Variants in XRCC1 observed in about 807,000 individuals in gnomAD.
The protein encoded by XRCC1 is X-ray repair cross complementing 1.
XRCC1 carries 52 observed loss-of-function variants against 83.3 expected under a neutral mutation model. The ratio of observed to expected loss-of-function variants is 0.62; its 90% CI spans 0.50 to 0.79. XRCC1 has a LOEUF of 0.79. Among genes scored for constraint, XRCC1 ranks in the 30% least tolerant of loss-of-function variants. XRCC1 has a pLI of 0.00. For synonymous variants in XRCC1, 281 were observed against 312.6 expected, an observed-to-expected ratio of 0.90 and a Z score of 1.07; for missense variants, 793 against 823.5, an observed-to-expected ratio of 0.96 and a Z score of 0.45.
chr19:43,551,476 T>C, intron 10 of XRCC1, 95 bp downstream of exon 10: 1 of 1,092,790 alleles, frequency 9.2e-7, no homozygotes, highest in Non-Finnish European at 1.4e-6. Context: ...GGACCACCTG[T>C]GTTCTCCGCT....
At position 43,553,567 on chromosome 19, in the gene XRCC1, G is replaced by A. The variant is rs144009077; in HGVS notation, c.489+42C>T. ...TGGGCTGCTGGCAGGTGGGGGTGGAGAGGCAGGGAGAAGGCCATGGGGAGT... is the reference window on the plus strand; with the variant it reads ...TGGGCTGCTGGCAGGTGGGGGTGGAAAGGCAGGGAGAAGGCCATGGGGAGT... On this transcript the variant is annotated intron_variant, in intron 5 of 16. Transcript: ENST00000262887. 5.9e-4 allele frequency: 958 copies of A among 1,612,928 alleles called. 4 individuals are homozygous for A. In the African/African-American group the frequency reaches 0.011, roughly 18 times the overall value.
In XRCC1 at chr19:43,560,893, C is replaced by T. The variant is rs749454302; in HGVS notation, c.255+17G>A. The T allele has an allele frequency of 1.4e-5, 23 of 1,601,470 alleles. No homozygotes were observed. The highest frequency in any genetic ancestry group is 2.0e-5 in the Non-Finnish European group (23 of 1,168,654). On this transcript the variant is annotated intron_variant, in intron 3 of 16. Coordinates refer to ENST00000262887, the MANE Select transcript of XRCC1 (RefSeq NM_006297.3). ...GGGCAGAGGTCAGTATGGGATCCAT[C>T]TCATAGCCCTGCTTACCTCATAGTC...
intron 10 of XRCC1, among the ~76,000 whole-genome samples, chr19:43,547,464 G>A (rs1223459467): frequency 3.4e-5 from 5 of 148,022 alleles, no homozygotes; most frequent in Non-Finnish European, 7.4e-5. Flanking sequence ...AATTACAGGC[G>A]TTAGCCACCA....
intron 8 of XRCC1, 62 bp downstream of exon 8, chr19:43,552,735 C>T: frequency 1.4e-6 from 2 of 1,462,104 alleles, no homozygotes; most frequent in Admixed American, 2.3e-5. Flanking sequence ...GGCTCCAGCC[C>T]CGCTTCCCCT....
chr19:43,550,409 G>A (rs1222005798), intron 10 of XRCC1, among the ~76,000 whole-genome samples: 2 of 152,162 alleles, frequency 1.3e-5, no homozygotes, highest in African/African-American at 4.8e-5. Context: ...AATAACAGAT[G>A]AGGGTTCTGT....
Position 43,546,651 on chromosome 19 carries a change from G to T in XRCC1, c.1370C>A (p.Thr457Asn). 4 of 1,612,104 alleles carry T rather than the reference G, an allele frequency of 2.5e-6. No individual in the cohort carries two copies. Among genetic ancestry groups the T allele is most frequent in the Non-Finnish European group, 3.4e-6 (4 of 1,179,474 alleles). Residue 457 changes from threonine to asparagine, a missense_variant, in exon 12 of 17, where the codon ACC becomes AAC. Coordinates refer to ENST00000262887, the MANE Select transcript of XRCC1 (RefSeq NM_006297.3). ...CTGGAGCACTGGTGAGGCTGCTTTGGTCTCTTCAGGGGTTGGGGGCTTCTG... is the reference window on the plus strand; with the variant it reads ...CTGGAGCACTGGTGAGGCTGCTTTGTTCTCTTCAGGGGTTGGGGGCTTCTG... ...SPQKPPTPEETKAASPVLQED... is the reference protein window; with the variant it reads ...SPQKPPTPEENKAASPVLQED...
Position 43,552,174 on chromosome 19 carries a change from G to A in XRCC1, c.925C>T (p.Pro309Ser), listed in dbSNP as rs25491. 2.1e-4 allele frequency: 338 copies of A among 1,614,098 alleles called. No homozygotes were observed. In the African/African-American group the frequency reaches 3.9e-3, roughly 19 times the overall value. ...CCCAGCTCCTCTGGGCCAGCTCGGG[G>A]TCGTCTGGGCTCGGTGCCTTCTCCT... ...PRGEGTEPRR[P>S]RAGPEELGKI... is the part of the protein sequence containing the mutation. The change falls in exon 9 of 17, where the codon CCC (proline) becomes TCC (serine). Residue 309 changes from proline (P) to serine (S), a missense_variant. By Grantham distance (74) the Pro-to-Ser change is moderately conservative. Coordinates refer to ENST00000262887, the MANE Select transcript of XRCC1 (RefSeq NM_006297.3).
intron 10 of XRCC1, among the ~76,000 whole-genome samples, chr19:43,550,859 C>T (rs551839409): frequency 4.6e-5 from 7 of 152,342 alleles, no homozygotes; most frequent in South Asian, 4.1e-4. Context: ...TGCACTGTTA[C>T]AACAATTCTG....
At chr19:43,543,580 G>C in intron 16 of XRCC1, 32 bp downstream of exon 16, 1 of 1,613,586 alleles carries the variant, frequency 6.2e-7, no homozygotes, top group Non-Finnish European at 8.5e-7. Context: ...GGTGTGCCCG[G>C]GTCTCCCATT....
At chr19:43,564,481 A>C (rs1325870629) in intron 2 of XRCC1, among the ~76,000 whole-genome samples, 1 of 152,134 alleles carries the variant, frequency 6.6e-6, no homozygotes, top group Non-Finnish European at 1.5e-5. Flanking sequence ...AATTAGCACA[A>C]ACTTTGTGGC....
At chr19:43,543,731 C>A (rs1298243940) in intron 15 of XRCC1, 44 bp from the exon 16 acceptor site, 24 of 1,578,978 alleles carry the variant, frequency 1.5e-5, no homozygotes, top group Non-Finnish European at 2.0e-5. Flanking sequence ...ATCAGGGAAT[C>A]AGCACTGACG....
At position 43,543,336 on chromosome 19, in the gene XRCC1, T is replaced by C. The variant is rs1270623436; in HGVS notation, c.*56A>G. On this transcript the variant is annotated 3_prime_UTR_variant, in exon 17 of 17. Coordinates refer to ENST00000262887, the MANE Select transcript of XRCC1 (RefSeq NM_006297.3). ...TGAGAACCAACTCATCTTTATTAAA[T>C]GCATCGTGTGTGTGTGTGTGTGTGT... 6 of 1,387,834 alleles carry C rather than the reference T, an allele frequency of 4.3e-6. No homozygotes were observed. In the East Asian group the frequency reaches 1.4e-4, roughly 32 times the overall value. 86.0% of individuals were successfully genotyped at this position (1,387,834 alleles called of 1,614,324 possible).
intron 2 of XRCC1, among the ~76,000 whole-genome samples, chr19:43,565,779 T>TA (rs1972746392): frequency 6.6e-6 from 1 of 150,970 alleles, no homozygotes; most frequent in Non-Finnish European, 1.5e-5. Context: ...CTACCAAAAA[T>TA]AAAAAAAGTT....
At chr19:43,572,288 C>G (rs919135701) in intron 2 of XRCC1, among the ~76,000 whole-genome samples, 1 of 149,954 alleles carries the variant, frequency 6.7e-6, no homozygotes, top group Non-Finnish European at 1.5e-5. Flanking sequence ...AAATCCCTCC[C>G]TCTACACAAA....
At chr19:43,559,940 G>A (rs968053377) in intron 3 of XRCC1, among the ~76,000 whole-genome samples, 1 of 151,892 alleles carries the variant, frequency 6.6e-6, no homozygotes, top group African/African-American at 2.4e-5. Context: ...AGCTAGCCAG[G>A]AGTGGTGGTG....
chr19:43,545,446 CCT>C (rs1366744356), intron 14 of XRCC1, among the ~76,000 whole-genome samples: 4 of 152,226 alleles, frequency 2.6e-5, no homozygotes, highest in African/African-American at 4.8e-5. Flanking sequence ...GAGCAGTGCC[CCT>C]GTCACCTGGT....
intron 3 of XRCC1, among the ~76,000 whole-genome samples, chr19:43,557,104 C>T (rs1366766189): frequency 2.0e-5 from 3 of 151,792 alleles, no homozygotes; most frequent in Non-Finnish European, 2.9e-5. Context: ...GTCAGGAGAT[C>T]GAGACCATCC....
At chr19:43,557,931 A>G (rs1403195013) in intron 3 of XRCC1, among the ~76,000 whole-genome samples, 2 of 151,986 alleles carry the variant, frequency 1.3e-5, no homozygotes, top group Non-Finnish European at 2.9e-5. Flanking sequence ...TTTTTGTCAG[A>G]TATCACTTAT....
chr19:43,546,608 C>T lies in XRCC1; in HGVS notation c.1413G>A (p.Glu471=), dbSNP rs745469077. ...TCAGAGTCTGACCTGACTGTACCCCCTCAATGTCTATATCTTCCTGGAGCA... is the reference window on the plus strand; with the variant it reads ...TCAGAGTCTGACCTGACTGTACCCCTTCAATGTCTATATCTTCCTGGAGCA... ...SPVLQEDIDI[E]GVQSEGQDNG... The change falls in exon 12 of 17, where the codon GAG becomes GAA. Residue 471 remains glutamate (E), a synonymous_variant. Transcript: ENST00000262887. The T allele has an allele frequency of 1.2e-6, 2 of 1,610,234 alleles. No homozygotes were observed. The highest frequency in any genetic ancestry group is 2.2e-5 in the East Asian group (1 of 44,838).
Sources: allele counts gnomAD v4.1 joint callset (sites outside exome capture counted in the v4.1 genomes callset), GRCh38; gene constraint gnomAD v4.1.1; transcripts MANE v1.5; gene names NCBI Gene and HGNC (gene_info 2026-07-23, HGNC 2026-07-21).